MAGI1: variants seen among roughly 807,000 people sequenced by gnomAD.
MAGI1 encodes the protein membrane associated guanylate kinase, WW and PDZ domain containing 1.
MAGI1 carries 58 observed loss-of-function variants against 139.9 expected under a neutral mutation model. The ratio of observed to expected loss-of-function variants is 0.41; its 90% CI spans 0.34 to 0.52. MAGI1 has a LOEUF of 0.52. Ranked by LOEUF, MAGI1 falls within the 20% of genes least tolerant of loss-of-function variation. MAGI1 has a pLI of 0.12. For missense variants in MAGI1, 1,874 were observed against 1,901.6 expected, an observed-to-expected ratio of 0.99 and a Z score of 0.27; for synonymous variants, 812 against 737.9, an observed-to-expected ratio of 1.10 and a Z score of -1.63.
rs904082401 is a variant in MAGI1, at chr3:65,800,295, T to A, written c.314-178207A>T. 2.0e-5 allele frequency among the ~76,000 whole-genome samples: 3 copies of A among 152,198 alleles called. No individual in the cohort carries two copies. In the East Asian group the frequency reaches 5.8e-4, roughly 29 times the overall value. On this transcript the variant is annotated intron_variant, in intron 1 of 22. Coordinates refer to ENST00000402939, the MANE Select transcript of MAGI1 (RefSeq NM_001033057.2). ...GTTCTTACATTTAAAGGTGTCAGGG[T>A]AGTTCAATGTAGGAGCAAGCAAAGT...
At chr3:65,373,604 G>A (rs998824339) in intron 18 of MAGI1, among the ~76,000 whole-genome samples, 8 of 152,162 alleles carry the variant, frequency 5.3e-5, no homozygotes, top group African/African-American at 1.9e-4. Flanking sequence ...AAAATGAAGT[G>A]CAATGAAAGG....
At chr3:65,839,348 A>G (rs898085687) in intron 1 of MAGI1, among the ~76,000 whole-genome samples, 3 of 152,178 alleles carry the variant, frequency 2.0e-5, no homozygotes, top group African/African-American at 7.2e-5. Flanking sequence ...TAAATGTTAC[A>G]GTTAATGTAT....
At chr3:65,882,891 C>T (rs74453512) in intron 1 of MAGI1, among the ~76,000 whole-genome samples, 2,896 of 144,824 alleles carry the variant, frequency 0.02, 92 homozygotes, top group African/African-American at 0.069. Context: ...GCCATGATCA[C>T]GCAACTGCAT....
intron 18 of MAGI1, among the ~76,000 whole-genome samples, chr3:65,368,460 C>A (rs1485055970): frequency 1.3e-5 from 2 of 152,176 alleles, no homozygotes; most frequent in African/African-American, 4.8e-5. Context: ...TTCCAAATCT[C>A]GGCACTTACT....
chr3:65,696,692 A>C (rs2089225038), intron 1 of MAGI1, among the ~76,000 whole-genome samples: 3 of 152,114 alleles, frequency 2.0e-5, no homozygotes, highest in Admixed American at 6.5e-5. Context: ...AAATAAAATA[A>C]AATATACATT....
intron 3 of MAGI1, among the ~76,000 whole-genome samples, chr3:65,486,434 G>A (rs755174292): frequency 1.3e-5 from 2 of 152,054 alleles, no homozygotes; most frequent in Non-Finnish European, 2.9e-5. Context: ...AAGTCCCAAG[G>A]GCTGGCTGAG....
chr3:65,789,943 T>C (rs981893937), intron 1 of MAGI1, among the ~76,000 whole-genome samples: 1 of 152,224 alleles, frequency 6.6e-6, no homozygotes, highest in African/African-American at 2.4e-5. Flanking sequence ...GTCCATGAGA[T>C]AAAGCTCTTG....
chr3:65,508,688 G>C (rs906558101), intron 2 of MAGI1, among the ~76,000 whole-genome samples: 2 of 152,150 alleles, frequency 1.3e-5, no homozygotes, highest in African/African-American at 4.8e-5. Context: ...ATACAATCCA[G>C]TCAATGAATC....
chr3:65,861,666 C>T (rs35580573), intron 1 of MAGI1, among the ~76,000 whole-genome samples: 2,868 of 152,188 alleles, frequency 0.019, 41 homozygotes, highest in Non-Finnish European at 0.029. Context: ...TGAGGAGCCA[C>T]TTGACCTCAG....
At chr3:65,442,883 G>C (rs535325101) in intron 7 of MAGI1, 34 bp from the exon 8 acceptor site, 1 of 1,551,454 alleles carries the variant, frequency 6.4e-7, no homozygotes, top group South Asian at 1.1e-5. Flanking sequence ...GGCAAGAAGA[G>C]CATATTCTTG....
intron 1 of MAGI1, among the ~76,000 whole-genome samples, chr3:65,920,065 G>A (rs2062100365): frequency 6.6e-6 from 1 of 152,186 alleles, no homozygotes; most frequent in Non-Finnish European, 1.5e-5. Context: ...CTCTGAATCA[G>A]TGAACAAACC....
intron 1 of MAGI1, among the ~76,000 whole-genome samples, chr3:65,809,978 T>C (rs2041118002): frequency 6.6e-6 from 1 of 151,486 alleles, no homozygotes. Flanking sequence ...ATATATCCTC[T>C]CTCTCTCTCT....
chr3:65,751,151 T>C (rs930494014), intron 1 of MAGI1, among the ~76,000 whole-genome samples: 1 of 152,172 alleles, frequency 6.6e-6, no homozygotes, highest in Non-Finnish European at 1.5e-5. Context: ...AAACATCTGA[T>C]TAAAACCCTA....
At chr3:65,591,647 G>T (rs1051187831) in intron 2 of MAGI1, among the ~76,000 whole-genome samples, 2 of 152,076 alleles carry the variant, frequency 1.3e-5, no homozygotes. Context: ...GTTGGTTAGG[G>T]TCTAAAATGT....
At chr3:65,487,473 T>C (rs1951702824) in intron 3 of MAGI1, among the ~76,000 whole-genome samples, 1 of 152,198 alleles carries the variant, frequency 6.6e-6, no homozygotes, top group Non-Finnish European at 1.5e-5. Flanking sequence ...TCCTGCAACA[T>C]TTGGCCAGGC....
chr3:65,649,068 T>C (rs575316002), intron 1 of MAGI1, among the ~76,000 whole-genome samples: 25 of 152,240 alleles, frequency 1.6e-4, no homozygotes, highest in African/African-American at 5.8e-4. Flanking sequence ...AAATGCATGG[T>C]AGACTTAAAT....
chr3:65,711,075 C>G (rs969360944), intron 1 of MAGI1, among the ~76,000 whole-genome samples: 4 of 152,242 alleles, frequency 2.6e-5, no homozygotes, highest in African/African-American at 9.6e-5. Flanking sequence ...CCAGTCTACA[C>G]CTTAAACTCC....
At chr3:65,830,660 C>T (rs977857947) in intron 1 of MAGI1, among the ~76,000 whole-genome samples, 1 of 133,800 alleles carries the variant, frequency 7.5e-6, no homozygotes, top group Non-Finnish European at 1.7e-5. Context: ...TTATGATTCA[C>T]AGTATTATAT....
At chr3:65,374,228 G>C (rs1942277125) in intron 18 of MAGI1, among the ~76,000 whole-genome samples, 1 of 151,358 alleles carries the variant, frequency 6.6e-6, no homozygotes, top group South Asian at 2.1e-4. Flanking sequence ...CCTCCCAAGA[G>C]CAAAGTCAGC....
Sources: gnomAD v4.1 joint callset for allele counts (sites outside exome capture counted in the v4.1 genomes callset) on GRCh38, gnomAD v4.1.1 for gene constraint, MANE v1.5 for transcripts, NCBI Gene and HGNC (gene_info 2026-07-23, HGNC 2026-07-21) for gene names.